The following STARD13 variants were observed in gnomAD, a reference collection of about 807,000 sequenced individuals.
The protein encoded by STARD13 is stAR-related lipid transfer protein 13.
Under a neutral mutation model 106.4 loss-of-function variants are expected in STARD13, and 62 were observed. The observed-to-expected ratio is 0.58, with a 90% CI of 0.48 to 0.72. The LOEUF (loss-of-function observed/expected upper bound fraction) is 0.72, where lower values mean the gene tolerates loss of function less well. Among genes scored for constraint, STARD13 ranks in the 30% least tolerant of loss-of-function variants. STARD13 has a pLI of 0.00. For synonymous variants in STARD13, 565 were observed against 553.0 expected, an observed-to-expected ratio of 1.02 and a Z score of -0.31; for missense variants, 1,387 against 1,424.0, an observed-to-expected ratio of 0.97 and a Z score of 0.42.
At chr13:33,516,196 T>C in the STARD13 span, among the ~76,000 whole-genome samples, 1 of 148,050 alleles carries the variant, frequency 6.8e-6, no homozygotes, top group Non-Finnish European at 1.5e-5. Flanking sequence ...GAATTATATA[T>C]ATTTATGTCA....
chr13:33,631,224 A>G, the STARD13 span, among the ~76,000 whole-genome samples: 6 of 152,252 alleles, frequency 3.9e-5, no homozygotes, highest in Non-Finnish European at 8.8e-5. Context: ...TAAACACTAC[A>G]TGTACTTTTA....
chr13:33,328,655 C>T (rs972249341), intron 1 of STARD13, among the ~76,000 whole-genome samples: 1 of 152,198 alleles, frequency 6.6e-6, no homozygotes, highest in African/African-American at 2.4e-5. Flanking sequence ...TCTAATTTAG[C>T]TCATAATTCC....
intron 1 of STARD13, among the ~76,000 whole-genome samples, chr13:33,212,821 T>A (rs1887802140): frequency 6.6e-6 from 1 of 152,242 alleles, no homozygotes; most frequent in South Asian, 2.1e-4. Context: ...ATTTCTGCTA[T>A]TATTAAATTG....
At chr13:33,281,207 G>A (rs1458135772) in intron 1 of STARD13, 1 of 152,124 alleles carries the variant, frequency 6.6e-6, no homozygotes, top group Non-Finnish European at 1.5e-5. Context: ...GGAACTCAAC[G>A]CTGTAAAGGA....
intron 1 of STARD13, among the ~76,000 whole-genome samples, chr13:33,259,877 G>A (rs1046362415): frequency 8.6e-5 from 13 of 151,650 alleles, no homozygotes; most frequent in African/African-American, 3.2e-4. Flanking sequence ...GTCATGGGAG[G>A]GACCTGCTAC....
the STARD13 span, among the ~76,000 whole-genome samples, chr13:33,598,649 GA>G: frequency 6.6e-6 from 1 of 152,176 alleles, no homozygotes; most frequent in Admixed American, 6.5e-5. Context: ...CAGTTTTATG[GA>G]AAATATGAGT....
the STARD13 span, among the ~76,000 whole-genome samples, chr13:33,472,099 C>G: frequency 1.3e-5 from 2 of 151,996 alleles, no homozygotes; most frequent in Non-Finnish European, 2.9e-5. Flanking sequence ...TCAAGTTAAC[C>G]ATTTAAAAAA....
chr13:33,202,394 G>A (rs538188010), intron 1 of STARD13, among the ~76,000 whole-genome samples: 1 of 152,190 alleles, frequency 6.6e-6, no homozygotes, highest in Admixed American at 6.5e-5. Context: ...GTCCCAGAAG[G>A]TGTGTAATGA....
intron 2 of STARD13, among the ~76,000 whole-genome samples, chr13:33,166,822 C>G (rs949394153): frequency 6.6e-6 from 1 of 151,920 alleles, no homozygotes; most frequent in Admixed American, 6.6e-5. Context: ...TGGTGAAACC[C>G]TGTCTCTACT....
At chr13:33,135,063 T>C (rs2138197199) in intron 4 of STARD13, among the ~76,000 whole-genome samples, 1 of 152,356 alleles carries the variant, frequency 6.6e-6, no homozygotes, top group South Asian at 2.1e-4. Flanking sequence ...ATGGGTTCTT[T>C]CTAAGCGCTC....
At chr13:33,478,694 T>A in the STARD13 span, among the ~76,000 whole-genome samples, 2,186 of 152,212 alleles carry the variant, frequency 0.014, 57 homozygotes, top group African/African-American at 0.047. Context: ...GGCAGGAGGA[T>A]CACTTGAGCC....
the STARD13 span, among the ~76,000 whole-genome samples, chr13:33,484,009 A>G: frequency 6.6e-6 from 1 of 152,246 alleles, no homozygotes; most frequent in African/African-American, 2.4e-5. Flanking sequence ...AAAAAATTCC[A>G]ATACGGTGGG....
the STARD13 span, among the ~76,000 whole-genome samples, chr13:33,378,725 G>A: frequency 1.3e-5 from 2 of 151,742 alleles, no homozygotes; most frequent in Admixed American, 1.3e-4. Context: ...AGGAGGCAGA[G>A]GTTGCAGTGA....
At chr13:33,407,678 T>A in the STARD13 span, among the ~76,000 whole-genome samples, 1 of 152,256 alleles carries the variant, frequency 6.6e-6, no homozygotes, top group Non-Finnish European at 1.5e-5. Context: ...TGAGCTTAAA[T>A]GAATCTTGTT....
Position 33,246,995 on chromosome 13 carries a change from G to A in STARD13, c.169+38475C>T, listed in dbSNP as rs556496672. ...GTGGGTCGCCTGAGGTCAGGAGTTC[G>A]AGACCAGCCTGGCCAACATGGTGAA... is the stretch of plus-strand genomic sequence containing the variant. On this transcript the variant is annotated intron_variant, in intron 1 of 13. Coordinates refer to ENST00000336934, the MANE Select transcript of STARD13 (RefSeq NM_178006.4). 1.9e-3 allele frequency among the ~76,000 whole-genome samples: 295 copies of A among 152,120 alleles called. 2 individuals are homozygous for A. Among genetic ancestry groups the A allele is most frequent in the African/African-American group, 6.7e-3 (280 of 41,512 alleles).
chr13:33,112,723 T>G lies in STARD13; in HGVS notation c.2490A>C (p.Pro830=), dbSNP rs1269063595. ...TGTTACTGAGAAAAAAAACCCACCG[T>G]GGAGAGCTTTCTTTCTTCAATAAAT... ...HLNLLKKESS[P]RVIQKKYATG... The change falls in exon 9 of 14, where the codon CCA becomes CCC. Residue 830 remains proline, a splice_region_variant and synonymous_variant. Transcript: ENST00000336934. 8 of 1,592,904 alleles carry G rather than the reference T, an allele frequency of 5.0e-6. No individual in the cohort carries two copies. The highest frequency in any genetic ancestry group is 4.6e-5 in the South Asian group (4 of 86,688).
chr13:33,340,712 A>G (rs2077950522), intron 1 of STARD13, among the ~76,000 whole-genome samples: 1 of 152,264 alleles, frequency 6.6e-6, no homozygotes, highest in Non-Finnish European at 1.5e-5. Context: ...GAAAAATGTT[A>G]CTAAAGAAAG....
At chr13:33,279,467 T>G (rs1318603255) in intron 1 of STARD13, 1 of 152,194 alleles carries the variant, frequency 6.6e-6, no homozygotes, top group African/African-American at 2.4e-5. Flanking sequence ...TAAGCTAAAG[T>G]TACAGAACCC....
chr13:33,302,333 C>T (rs955604020), intron 1 of STARD13, among the ~76,000 whole-genome samples: 1 of 152,174 alleles, frequency 6.6e-6, no homozygotes, highest in Non-Finnish European at 1.5e-5. Flanking sequence ...CATTTTTGAA[C>T]ATGTATGTGT....
Sources: allele counts gnomAD v4.1 joint callset (sites outside exome capture counted in the v4.1 genomes callset), GRCh38; gene constraint gnomAD v4.1.1; transcripts MANE v1.5; gene names NCBI Gene and HGNC (gene_info 2026-07-23, HGNC 2026-07-21).